The following STXBP5L variants were observed in gnomAD, a reference collection of about 807,000 sequenced individuals.
The protein encoded by STXBP5L is syntaxin-binding protein 5-like.
A neutral mutation model predicts 144.5 loss-of-function variants in STXBP5L; 65 were observed. The ratio of observed to expected loss-of-function variants is 0.45; its 90% CI spans 0.37 to 0.55. The LOEUF (loss-of-function observed/expected upper bound fraction) is 0.55, where lower values mean the gene tolerates loss of function less well. Ranked by LOEUF, STXBP5L falls within the 20% of genes least tolerant of loss-of-function variation. The pLI is 0.00. For synonymous variants in STXBP5L, 505 were observed against 469.6 expected, an observed-to-expected ratio of 1.08 and a Z score of -0.97; for missense variants, 1,298 against 1,405.5, an observed-to-expected ratio of 0.92 and a Z score of 1.22.
chr3:121,169,112 T>C (rs2046609728), intron 9 of STXBP5L, among the ~76,000 whole-genome samples: 1 of 152,042 alleles, frequency 6.6e-6, no homozygotes, highest in African/African-American at 2.4e-5. Flanking sequence ...AAAGGAGAAA[T>C]AAAATCACTT....
At chr3:121,108,574 C>A (rs2043822730) in intron 5 of STXBP5L, among the ~76,000 whole-genome samples, 1 of 152,050 alleles carries the variant, frequency 6.6e-6, no homozygotes, top group Admixed American at 6.5e-5. Flanking sequence ...CCAGCTTGAT[C>A]GTGGTAGATA....
intron 9 of STXBP5L, among the ~76,000 whole-genome samples, chr3:121,193,989 T>G (rs200510810): frequency 7.6e-6 from 1 of 131,162 alleles, no homozygotes; most frequent in Admixed American, 7.6e-5. Context: ...ATAATAATAA[T>G]AAAAAGAAAT....
intron 18 of STXBP5L, among the ~76,000 whole-genome samples, chr3:121,272,092 ATTC>A (rs1373710940): frequency 6.6e-6 from 1 of 152,210 alleles, no homozygotes; most frequent in Non-Finnish European, 1.5e-5. Context: ...AAGAATGTGT[ATTC>A]TTCTGCTGTT....
chr3:120,987,775 T>A (rs1214632649), intron 3 of STXBP5L, among the ~76,000 whole-genome samples: 1 of 151,838 alleles, frequency 6.6e-6, no homozygotes, highest in Non-Finnish European at 1.5e-5. Flanking sequence ...ATTTGTGTTG[T>A]CTTAATTTGA....
At chr3:120,998,717 A>G (rs1339583023) in intron 3 of STXBP5L, among the ~76,000 whole-genome samples, 1 of 152,076 alleles carries the variant, frequency 6.6e-6, no homozygotes, top group Non-Finnish European at 1.5e-5. Context: ...ATTCCTATAC[A>G]CCAAAAACAT....
chr3:121,315,981 C>T (rs1232983440), intron 19 of STXBP5L, among the ~76,000 whole-genome samples: 23 of 134,500 alleles, frequency 1.7e-4, no homozygotes, highest in African/African-American at 6.1e-4. Flanking sequence ...CCAGCCTGGG[C>T]GATAGTGAGA....
At chr3:121,240,967 C>A (rs1436635432) in intron 14 of STXBP5L, among the ~76,000 whole-genome samples, 61 of 152,220 alleles carry the variant, frequency 4.0e-4, no homozygotes. Context: ...AGAGACATAG[C>A]TAATGATAAA....
At chr3:121,167,759 G>A (rs991544874) in intron 9 of STXBP5L, among the ~76,000 whole-genome samples, 34 of 152,226 alleles carry the variant, frequency 2.2e-4, no homozygotes, top group African/African-American at 7.7e-4. Context: ...TGCAGCTTCA[G>A]CAGACATAAA....
intron 20 of STXBP5L, chr3:121,357,490 G>C (rs936678549): frequency 6.6e-6 from 1 of 152,404 alleles, no homozygotes; most frequent in Non-Finnish European, 1.5e-5. Context: ...AGTATGCCAT[G>C]GGACAGCAAG....
chr3:120,937,552 G>T (rs1710327787), intron 2 of STXBP5L, among the ~76,000 whole-genome samples: 2 of 152,152 alleles, frequency 1.3e-5, no homozygotes, highest in Admixed American at 1.3e-4. Context: ...CCCTATATCT[G>T]CCTGTCTGTC....
At chr3:121,006,920 C>T (rs188568004) in intron 3 of STXBP5L, among the ~76,000 whole-genome samples, 110 of 152,318 alleles carry the variant, frequency 7.2e-4, no homozygotes, top group African/African-American at 2.5e-3. Context: ...GAGAGATCAC[C>T]TGTTAGTCTG....
chr3:121,222,163 T>C (rs338973), intron 10 of STXBP5L, among the ~76,000 whole-genome samples: 119,581 of 151,982 alleles, frequency 0.79, 47,273 homozygotes, highest in East Asian at 0.93. Flanking sequence ...GAAAATATTT[T>C]TTGCTAACAC....
chr3:121,410,543 G>A (rs899187490), intron 23 of STXBP5L, among the ~76,000 whole-genome samples: 2 of 151,914 alleles, frequency 1.3e-5, no homozygotes, highest in African/African-American at 4.8e-5. Flanking sequence ...GATCTTTCCA[G>A]ACCCTATCAG....
chr3:121,055,141 A>G (rs1311539745), intron 5 of STXBP5L, among the ~76,000 whole-genome samples: 1 of 152,168 alleles, frequency 6.6e-6, no homozygotes, highest in Non-Finnish European at 1.5e-5. Flanking sequence ...GATAAATGTG[A>G]TATTTATCTC....
chr3:120,980,225 A>G (rs937808405), intron 3 of STXBP5L, among the ~76,000 whole-genome samples: 3 of 152,122 alleles, frequency 2.0e-5, no homozygotes, highest in African/African-American at 4.8e-5. Flanking sequence ...GTAAATTTCT[A>G]TCTGTTCTAT....
chr3:121,008,448 T>TA (rs1188850126), intron 3 of STXBP5L, among the ~76,000 whole-genome samples: 1 of 152,022 alleles, frequency 6.6e-6, no homozygotes, highest in Non-Finnish European at 1.5e-5. Context: ...ATTTCCAAAA[T>TA]AGACATTGAG....
At chr3:120,997,306 C>T (rs1425495512) in intron 3 of STXBP5L, among the ~76,000 whole-genome samples, 1 of 152,128 alleles carries the variant, frequency 6.6e-6, no homozygotes, top group East Asian at 1.9e-4. Context: ...GGTATATACC[C>T]ACTAGTGGGA....
chr3:121,149,218 C>A (rs1052367646), intron 7 of STXBP5L, among the ~76,000 whole-genome samples: 4 of 151,930 alleles, frequency 2.6e-5, no homozygotes, highest in African/African-American at 9.7e-5. Context: ...CATCTATAAT[C>A]TGTGTACATT....
intron 3 of STXBP5L, among the ~76,000 whole-genome samples, chr3:120,997,718 C>G (rs987985811): frequency 3.9e-5 from 6 of 152,034 alleles, no homozygotes; most frequent in Non-Finnish European, 7.4e-5. Context: ...TTCTCTCATT[C>G]TGTAGATTGT....
Sources: gnomAD v4.1 joint callset for allele counts (sites outside exome capture counted in the v4.1 genomes callset) on GRCh38, gnomAD v4.1.1 for gene constraint, MANE v1.5 for transcripts, NCBI Gene and HGNC (gene_info 2026-07-23, HGNC 2026-07-21) for gene names.